CLTB: variants seen among roughly 807,000 people sequenced by gnomAD.
CLTB encodes the protein clathrin light chain B.
CLTB carries 10 observed loss-of-function variants against 30.5 expected under a neutral mutation model. The observed-to-expected ratio is 0.33, with a 90% CI of 0.20 to 0.56. CLTB has a LOEUF of 0.56. CLTB is among the 20% of genes least tolerant of loss of function. The probability of loss-of-function intolerance (pLI) is 0.91; values close to 1 mark genes in which losing one functional copy is unlikely to be tolerated. For missense variants in CLTB, 261 were observed against 308.3 expected (o/e 0.85, Z 1.15); for synonymous variants, 102 against 120.3 (o/e 0.85, Z 1.00).
At chr5:176,404,699 G>A (rs1240655807) in intron 2 of CLTB, among the ~76,000 whole-genome samples, 2 of 152,224 alleles carry the variant, frequency 1.3e-5, no homozygotes, top group Non-Finnish European at 2.9e-5. Flanking sequence ...ATGCACTCTA[G>A]TGGGGGCTAT....
At chr5:176,399,005 G>C (rs913316887) in intron 2 of CLTB, among the ~76,000 whole-genome samples, 2 of 151,892 alleles carry the variant, frequency 1.3e-5, no homozygotes, top group Admixed American at 1.3e-4. Flanking sequence ...ACGACACCCG[G>C]CTAATTTTTT....
At chr5:176,410,011 C>T (rs1246016981) in intron 2 of CLTB, among the ~76,000 whole-genome samples, 1 of 152,198 alleles carries the variant, frequency 6.6e-6, no homozygotes, top group Non-Finnish European at 1.5e-5. Flanking sequence ...CTCCCAAAAC[C>T]AGACATCACC....
chr5:176,394,913 C>T (rs768570821), intron 5 of CLTB, among the ~76,000 whole-genome samples: 3 of 152,118 alleles, frequency 2.0e-5, no homozygotes, highest in Admixed American at 6.5e-5. Flanking sequence ...ACAGAAGCAT[C>T]GAGCCCCCTG....
rs751172533 is a variant in CLTB, at chr5:176,392,965, G to A, written c.519-20C>T. 2.0e-5 allele frequency: 32 copies of A among 1,613,766 alleles called. 1 individual carries two copies. The East Asian group carries it at 2.9e-4, about 15-fold the overall frequency. On this transcript the variant is annotated intron_variant, in intron 5 of 5. Transcript: ENST00000310418. This position sits in a 1 kb window ranked among gnomAD's most constrained non-coding sequence, Gnocchi z 5.2. Reference sequence around the variant, plus strand: ...GATGCCCTGCGGGTGGAGATAGGACGGGCTTTTATAGCAGTCTGCTTTCCC... The same window carrying A: ...GATGCCCTGCGGGTGGAGATAGGACAGGCTTTTATAGCAGTCTGCTTTCCC...
chr5:176,411,825 CCTT>C (rs1280008343), intron 1 of CLTB, among the ~76,000 whole-genome samples: 1 of 152,186 alleles, frequency 6.6e-6, no homozygotes, highest in African/African-American at 2.4e-5. Flanking sequence ...CTGGTTTCCT[CCTT>C]CTCCAAACAC....
At chr5:176,408,206 T>C (rs1757233008) in intron 2 of CLTB, among the ~76,000 whole-genome samples, 1 of 151,120 alleles carries the variant, frequency 6.6e-6, no homozygotes, top group Non-Finnish European at 1.5e-5. Context: ...TAACTAGAAA[T>C]ACACTTACTA....
At chr5:176,394,501 A>G (rs551544274) in intron 5 of CLTB, among the ~76,000 whole-genome samples, 20 of 151,808 alleles carry the variant, frequency 1.3e-4, no homozygotes, top group African/African-American at 3.2e-4. Flanking sequence ...GTGAAACCCC[A>G]TCTCTACTAA....
At chr5:176,399,109 G>A (rs148654790) in intron 2 of CLTB, among the ~76,000 whole-genome samples, 1 of 152,216 alleles carries the variant, frequency 6.6e-6, no homozygotes, top group African/African-American at 2.4e-5. Flanking sequence ...CTCCCCAAGT[G>A]CTGGGATTAC....
At chr5:176,397,506 TTCATGTCCCCATGGCCCCC>T (rs1179751401) in intron 4 of CLTB, 82 bp downstream of exon 4, 2 of 40,408 alleles carry the variant, frequency 4.9e-5, no homozygotes, top group African/African-American at 2.5e-4. Flanking sequence ...TCCCCACCCC[TTCATGTCCCCATGGCCCCC>T]TCATGTCCCC....
At chr5:176,404,420 CGGA>C (rs1427450908) in intron 2 of CLTB, among the ~76,000 whole-genome samples, 1 of 152,202 alleles carries the variant, frequency 6.6e-6, no homozygotes, top group Admixed American at 6.5e-5. Flanking sequence ...GGCAGCGGAG[CGGA>C]GCCTCTAATT....
At chr5:176,413,076 A>G (rs1399095582) in intron 1 of CLTB, among the ~76,000 whole-genome samples, 1 of 152,116 alleles carries the variant, frequency 6.6e-6, no homozygotes, top group Non-Finnish European at 1.5e-5. Flanking sequence ...CTGGACATGC[A>G]GTTTCGGCCT....
chr5:176,400,932 G>A (rs1259163435), intron 2 of CLTB, among the ~76,000 whole-genome samples: 5 of 152,120 alleles, frequency 3.3e-5, no homozygotes, highest in African/African-American at 1.2e-4. Context: ...GAACATCAGG[G>A]CTACAGTCTC....
At chr5:176,413,670 G>A (rs1044240798) in intron 1 of CLTB, among the ~76,000 whole-genome samples, 3 of 152,194 alleles carry the variant, frequency 2.0e-5, no homozygotes, top group South Asian at 2.1e-4. Context: ...AGGCCAGGGC[G>A]CTTTTTCTCT....
chr5:176,412,055 A>G (rs1156856290), intron 1 of CLTB, among the ~76,000 whole-genome samples: 1 of 151,834 alleles, frequency 6.6e-6, no homozygotes, highest in African/African-American at 2.4e-5. Context: ...AGGCGCCTGT[A>G]GTCCCAGCCA....
chr5:176,400,651 C>T (rs933312852), intron 2 of CLTB, among the ~76,000 whole-genome samples: 2 of 152,212 alleles, frequency 1.3e-5, no homozygotes, highest in African/African-American at 2.4e-5. Flanking sequence ...TCCAGCTACC[C>T]GGCCTTTGTC....
At chr5:176,403,344 C>T (rs1241440644) in intron 2 of CLTB, among the ~76,000 whole-genome samples, 1 of 151,698 alleles carries the variant, frequency 6.6e-6, no homozygotes, top group African/African-American at 2.4e-5. Context: ...GCTACTGCGC[C>T]TGGCCAAGCC....
intron 2 of CLTB, among the ~76,000 whole-genome samples, chr5:176,408,065 A>G (rs1268269276): frequency 1.3e-5 from 2 of 152,060 alleles, no homozygotes; most frequent in Non-Finnish European, 2.9e-5. Flanking sequence ...TAGCCCCACC[A>G]GGCATCTGGC....
At chr5:176,414,609 A>G (rs1290241371) in intron 1 of CLTB, among the ~76,000 whole-genome samples, 1 of 151,952 alleles carries the variant, frequency 6.6e-6, no homozygotes, top group Non-Finnish European at 1.5e-5. Context: ...TGCCTGGCTA[A>G]TTTTTGTATG....
intron 2 of CLTB, among the ~76,000 whole-genome samples, chr5:176,402,284 C>T (rs536598368): frequency 3.3e-5 from 5 of 152,230 alleles, no homozygotes; most frequent in South Asian, 2.1e-4. Flanking sequence ...GGTAACAGAG[C>T]GAGACTCTGT....
Sources: gnomAD v4.1 joint callset for allele counts (sites outside exome capture counted in the v4.1 genomes callset) on GRCh38, gnomAD v4.1.1 for gene constraint, Gnocchi (gnomAD v3.1) non-coding constraint, MANE v1.5 for transcripts, NCBI Gene and HGNC (gene_info 2026-07-23, HGNC 2026-07-21) for gene names.